PHF14: variants seen among roughly 807,000 people sequenced by gnomAD.
The protein encoded by PHF14 is PHD finger protein 14.
Under a neutral mutation model 117.9 loss-of-function variants are expected in PHF14, and 55 were observed. That is an observed-to-expected ratio of 0.47 (90% CI 0.38 to 0.58). The LOEUF (loss-of-function observed/expected upper bound fraction) is 0.58, where lower values mean the gene tolerates loss of function less well. Among genes scored for constraint, PHF14 ranks in the 20% least tolerant of loss-of-function variants. The pLI, the probability that PHF14 is intolerant of heterozygous loss-of-function variation, is 0.00. For synonymous variants in PHF14, 409 were observed against 368.6 expected, an observed-to-expected ratio of 1.11 and a Z score of -1.26; for missense variants, 978 against 1,122.2, an observed-to-expected ratio of 0.87 and a Z score of 1.84.
At position 11,130,616 on chromosome 7, in the gene PHF14, C is replaced by T. The variant is rs1273427636; in HGVS notation, c.2772+19149C>T. ...TCCTTCCCCTAGTTTCCTCTGTTAC[C>T]ATCTTGCATTCATGTGGTACATTTG... is the stretch of plus-strand genomic sequence containing the variant. On this transcript the variant is annotated intron_variant, in intron 17 of 17. Coordinates refer to ENST00000634607, the MANE Select transcript of PHF14 (RefSeq NM_001007157.2). This position sits in a 1 kb window ranked among gnomAD's most constrained non-coding sequence, Gnocchi z 4.2. Among the ~76,000 whole-genome samples, 1 of 151,934 alleles carries T rather than the reference C, an allele frequency of 6.6e-6. No homozygotes were observed. Among genetic ancestry groups the T allele is most frequent in the African/African-American group, 2.4e-5 (1 of 41,390 alleles).
Position 11,166,902 on chromosome 7 carries a change from C to G in PHF14, c.2773-2514C>G, listed in dbSNP as rs138097628. The stretch of plus-strand genomic sequence containing the variant: ...GTGTTAGAAGGCATGCATTTATAAA[C>G]TGTACTTTATTTCTAAGAAAAATTC... On this transcript the variant is annotated intron_variant, in intron 17 of 17. Transcript: ENST00000634607. 6.6e-4 allele frequency among the ~76,000 whole-genome samples: 101 copies of G among 152,256 alleles called. 1 individual carries two copies. The East Asian group carries it at 0.018, about 28-fold the overall frequency.
At chr7:10,983,795 C>T (rs1782126254) in intron 3 of PHF14, among the ~76,000 whole-genome samples, 1 of 152,024 alleles carries the variant, frequency 6.6e-6, no homozygotes, top group African/African-American at 2.4e-5. Context: ...CAAACATTTC[C>T]ATCATAAAAC....
At position 10,982,605 on chromosome 7, in the gene PHF14, G is replaced by A; in HGVS notation, c.346G>A (p.Glu116Lys). The change falls in exon 3 of 18, where the codon GAG becomes AAG. Residue 116 changes from glutamate (E) to lysine (K), a missense_variant. Transcript: ENST00000634607. ...TGGAGAAAGACCTAGAAAGAAAAAG[G>A]AGAAAGAGAAGGAAAAAGAAAAGGA... Reference protein sequence around the residue: ...ENGERPRKKKEKEKEKEKEKE... With the variant: ...ENGERPRKKKKKEKEKEKEKE... The A allele has an allele frequency of 6.6e-7, 1 of 1,515,362 alleles. No homozygotes were observed. The highest frequency in any genetic ancestry group is 1.2e-5 in the South Asian group (1 of 81,940). The allele number at this position is 1,515,362 out of a possible 1,614,324, so 93.9% of individuals were successfully genotyped here.
chr7:11,074,022 C>T (rs1229184112), intron 16 of PHF14, among the ~76,000 whole-genome samples: 1 of 152,124 alleles, frequency 6.6e-6, no homozygotes, highest in Admixed American at 6.6e-5. Context: ...ATGTTATTTT[C>T]TCTTAGACCT....
intron 3 of PHF14, among the ~76,000 whole-genome samples, chr7:10,987,988 C>T (rs1302060486): frequency 6.5e-5 from 9 of 138,906 alleles, no homozygotes; most frequent in African/African-American, 2.5e-4. Context: ...TGCACTCCAG[C>T]CTGGGCAACA....
intron 4 of PHF14, among the ~76,000 whole-genome samples, chr7:11,000,531 G>A (rs1176657558): frequency 1.3e-5 from 2 of 151,776 alleles, no homozygotes; most frequent in Non-Finnish European, 2.9e-5. Flanking sequence ...TAGAGATGGG[G>A]TTTTGCCATG....
intron 17 of PHF14, among the ~76,000 whole-genome samples, chr7:11,151,030 T>A (rs1474714713): frequency 3.9e-5 from 6 of 152,100 alleles, no homozygotes; most frequent in Non-Finnish European, 8.8e-5. Flanking sequence ...AAAAGATATA[T>A]CAATGATTTT....
chr7:11,159,195 GTTAT>G (rs1788951251), intron 17 of PHF14, among the ~76,000 whole-genome samples: 1 of 151,718 alleles, frequency 6.6e-6, no homozygotes, highest in South Asian at 2.1e-4. Context: ...TTGAATATCT[GTTAT>G]TTATTCTAAA....
intron 17 of PHF14, among the ~76,000 whole-genome samples, chr7:11,138,025 A>T (rs1160847599): frequency 1.3e-5 from 2 of 148,872 alleles, no homozygotes; most frequent in African/African-American, 2.5e-5. Flanking sequence ...TCATGAGGAA[A>T]CAGGGAAAAA....
intron 10 of PHF14, among the ~76,000 whole-genome samples, 197 bp from the exon 11 acceptor site, chr7:11,038,563 C>T (rs1323518586): frequency 6.6e-6 from 1 of 151,076 alleles, no homozygotes; most frequent in Non-Finnish European, 1.5e-5. Flanking sequence ...GAAACTGCAG[C>T]AGGAGAATCG....
chr7:11,031,895 T>G (rs1562430156), intron 7 of PHF14, among the ~76,000 whole-genome samples: 1 of 152,242 alleles, frequency 6.6e-6, no homozygotes. Flanking sequence ...TAGTTTCTTC[T>G]GTAATTAAAG....
At chr7:10,987,990 T>C (rs1159810430) in intron 3 of PHF14, among the ~76,000 whole-genome samples, 1 of 123,500 alleles carries the variant, frequency 8.1e-6, no homozygotes, top group Non-Finnish European at 1.6e-5. Flanking sequence ...CACTCCAGCC[T>C]GGGCAACAAG....
rs185284147 is a variant in PHF14 at position 11,019,448 on chromosome 7, T to G, written c.1206-3420T>G. Among the ~76,000 whole-genome samples, 5 of 152,304 alleles carry G rather than the reference T, an allele frequency of 3.3e-5. No homozygotes were observed. The East Asian group carries it at 9.7e-4, about 29-fold the overall frequency. ...TTATTGGTCTGTACAGGCTTTGGAT[T>G]TCTTCATGGTTCAATCTTGGTAGGT... On this transcript the variant is annotated intron_variant, in intron 5 of 17. Coordinates refer to ENST00000634607, the MANE Select transcript of PHF14 (RefSeq NM_001007157.2).
At chr7:11,048,688 C>A (rs1346638310) in intron 13 of PHF14, among the ~76,000 whole-genome samples, 12 of 152,158 alleles carry the variant, frequency 7.9e-5, no homozygotes, top group Admixed American at 3.9e-4. Context: ...ACATTTTTTA[C>A]ATATCTTAAA....
chr7:11,165,227 T>A (rs974296864), intron 17 of PHF14, among the ~76,000 whole-genome samples: 1 of 152,162 alleles, frequency 6.6e-6, no homozygotes, highest in African/African-American at 2.4e-5. Context: ...CCGGCCGACC[T>A]TGACATTTTG....
Position 11,036,555 on chromosome 7 carries a change from G to A in PHF14, c.1740G>A (p.Met580Ile), listed in dbSNP as rs1785833971. 1 of 1,613,936 alleles carries A rather than the reference G, an allele frequency of 6.2e-7. No homozygotes were observed. The highest frequency in any genetic ancestry group is 8.5e-7 in the Non-Finnish European group (1 of 1,179,858). Residue 580 changes from methionine (M) to isoleucine (I), a missense_variant, in exon 9 of 18, where the codon ATG (methionine) becomes ATA (isoleucine). Physicochemically the swap from Met to Ile is conservative, Grantham distance 10. Coordinates refer to ENST00000634607, the MANE Select transcript of PHF14 (RefSeq NM_001007157.2). ...TSSASAIRKL[M>I]RKAELMGIST... ...GTGCTTCAGCTATTCGTAAACTTAT[G>A]CGGAAAGCAGAACTCATGGGGATCA...
chr7:11,008,814 T>A (rs951127900), intron 4 of PHF14, among the ~76,000 whole-genome samples: 1 of 152,084 alleles, frequency 6.6e-6, no homozygotes, highest in Admixed American at 6.6e-5. Context: ...GGTGGGTGGA[T>A]CACGAGGTCA....
At chr7:11,027,129 C>G (rs1282745034) in intron 6 of PHF14, among the ~76,000 whole-genome samples, 2 of 152,142 alleles carry the variant, frequency 1.3e-5, no homozygotes, top group African/African-American at 2.4e-5. Context: ...AAATCCCTTG[C>G]TCAATTTCAA....
intron 3 of PHF14, among the ~76,000 whole-genome samples, chr7:10,989,129 C>A (rs12537705): frequency 1.3e-5 from 2 of 151,922 alleles, no homozygotes. Flanking sequence ...TACTAGAATT[C>A]TAAAGAGAAA....
Sources: allele counts gnomAD v4.1 joint callset (sites outside exome capture counted in the v4.1 genomes callset), GRCh38; gene constraint gnomAD v4.1.1; non-coding constraint Gnocchi (gnomAD v3.1); transcripts MANE v1.5; gene names NCBI Gene and HGNC (gene_info 2026-07-23, HGNC 2026-07-21).